RANBP17: variants seen among roughly 807,000 people sequenced by gnomAD.
The protein encoded by RANBP17 is RAN binding protein 17.
RANBP17 carries 158 observed loss-of-function variants against 141.2 expected under a neutral mutation model. The observed-to-expected ratio is 1.12, with a 90% CI of 0.98 to 1.28. The LOEUF is 1.28. Among genes scored for constraint, RANBP17 ranks in the 50% most tolerant of loss-of-function variants. The probability of loss-of-function intolerance (pLI) is 0.00; values close to 1 mark genes in which losing one functional copy is unlikely to be tolerated. For missense variants in RANBP17, 1,438 were observed against 1,290.7 expected (o/e 1.11, Z -1.75); for synonymous variants, 430 against 450.0 (o/e 0.96, Z 0.56).
chr5:171,005,175 A>G (rs995733796), intron 14 of RANBP17, among the ~76,000 whole-genome samples: 6 of 152,160 alleles, frequency 3.9e-5, no homozygotes, highest in Non-Finnish European at 8.8e-5. Flanking sequence ...TGCCCAAGGT[A>G]ATTTATAGAT....
chr5:171,246,865 T>A (rs1765243540), intron 24 of RANBP17, among the ~76,000 whole-genome samples: 1 of 152,182 alleles, frequency 6.6e-6, no homozygotes, highest in African/African-American at 2.4e-5. Flanking sequence ...GATACTTGAC[T>A]CTCTTCATTC....
chr5:171,067,339 A>C (rs1205802004), intron 14 of RANBP17, among the ~76,000 whole-genome samples: 1 of 152,098 alleles, frequency 6.6e-6, no homozygotes, highest in Non-Finnish European at 1.5e-5. Flanking sequence ...ATCTGTATAC[A>C]TTGTGTTCTT....
chr5:170,967,990 C>G (rs1024805617), intron 13 of RANBP17, among the ~76,000 whole-genome samples: 16 of 151,562 alleles, frequency 1.1e-4, no homozygotes, highest in Non-Finnish European at 2.1e-4. Context: ...TCTGTATATA[C>G]ATACAGAGTT....
intron 14 of RANBP17, among the ~76,000 whole-genome samples, chr5:171,153,546 A>C (rs1758637007): frequency 6.6e-6 from 1 of 152,224 alleles, no homozygotes; most frequent in Non-Finnish European, 1.5e-5. Flanking sequence ...ACTGATATGC[A>C]GAATACTGGG....
intron 14 of RANBP17, among the ~76,000 whole-genome samples, chr5:170,972,212 G>A (rs373769875): frequency 8.8e-5 from 11 of 124,446 alleles, no homozygotes; most frequent in South Asian, 2.4e-4. Flanking sequence ...GTGGAGTTTC[G>A]CTCTTGCTGT....
chr5:170,955,588 ATATATATATATATATATATATGCTCAGTG>A lies in RANBP17; in HGVS notation c.1574+1908_1574+1936del, dbSNP rs1561927744. ...ATATATGCTCAGTCTGTGTGTATATATATATATATATATATATATATGCTCAGTGTATATATATATATATATATATATGC... is the reference window on the plus strand; with the variant it reads ...ATATATGCTCAGTCTGTGTGTATATATATATATATATATATATATATATGC... On this transcript the variant is annotated intron_variant, in intron 13 of 27. Coordinates refer to ENST00000523189, the MANE Select transcript of RANBP17 (RefSeq NM_022897.5). Among the ~76,000 whole-genome samples, 15 of 74,848 alleles carry A rather than the reference ATATATATATATATATATATATGCTCAGTG, an allele frequency of 2.0e-4. 1 individual carries two copies. The highest frequency in any genetic ancestry group is 4.6e-4 in the South Asian group (1 of 2,184). 49.1% of individuals were successfully genotyped at this position (74,848 alleles called of 152,430 possible). A position where few individuals can be genotyped will look rare whatever the true frequency, so the allele number is the denominator to read the frequency against.
chr5:171,262,833 A>G (rs1335156458), intron 24 of RANBP17, among the ~76,000 whole-genome samples: 1 of 152,180 alleles, frequency 6.6e-6, no homozygotes. Context: ...TTCCAAAACT[A>G]TGGTCCACGG....
chr5:171,249,663 A>C lies in RANBP17; in HGVS notation c.2776+6843A>C, dbSNP rs189677004. Among the ~76,000 whole-genome samples, 68 of 152,330 alleles carry C rather than the reference A, an allele frequency of 4.5e-4. 1 individual carries two copies. The highest frequency in any genetic ancestry group is 4.1e-3 in the Admixed American group (62 of 15,308). On this transcript the variant is annotated intron_variant, in intron 24 of 27. Transcript: ENST00000523189. ...TTCAATAGTTGGCTAGATCAGGCAG[A>C]AGAAAGAATCTCAGAACTTGAAGAC... is the stretch of plus-strand genomic sequence containing the variant.
chr5:171,146,196 A>G (rs189601065), intron 14 of RANBP17, among the ~76,000 whole-genome samples: 4 of 152,220 alleles, frequency 2.6e-5, no homozygotes, highest in Admixed American at 6.5e-5. Context: ...TTCTATGCGT[A>G]TAAGAGTTGA....
chr5:171,208,871 A>G (rs544522505), intron 20 of RANBP17, among the ~76,000 whole-genome samples: 101 of 152,230 alleles, frequency 6.6e-4, no homozygotes, highest in Non-Finnish European at 1.3e-3. Context: ...AGTGGCTGAC[A>G]TAAAGTAAAT....
rs1766334703 is a variant in RANBP17 at position 171,261,620 on chromosome 5, A to G, written c.2777-4061A>G. ...GCTTCCTGTGGAGACTGGTTCCAGA[A>G]GAGAAGCACTTGATTGTTTTCAATG... On this transcript the variant is annotated intron_variant, in intron 24 of 27. Coordinates refer to ENST00000523189, the MANE Select transcript of RANBP17 (RefSeq NM_022897.5). 2.0e-5 allele frequency among the ~76,000 whole-genome samples: 3 copies of G among 152,246 alleles called. No individual in the cohort carries two copies. In the South Asian group the frequency reaches 6.2e-4, roughly 31 times the overall value.
chr5:170,981,588 A>G (rs1777779402), intron 14 of RANBP17, among the ~76,000 whole-genome samples: 2 of 151,420 alleles, frequency 1.3e-5, no homozygotes, highest in Non-Finnish European at 2.9e-5. Flanking sequence ...GCCACTATCC[A>G]TGTAAGACGT....
At chr5:170,905,439 C>A (rs1232494880) in intron 5 of RANBP17, among the ~76,000 whole-genome samples, 2 of 152,060 alleles carry the variant, frequency 1.3e-5, no homozygotes, top group African/African-American at 2.4e-5. Context: ...ACATTATAGC[C>A]ATGTGCATAA....
chr5:171,014,879 G>A (rs892270227), intron 14 of RANBP17, among the ~76,000 whole-genome samples: 2 of 151,884 alleles, frequency 1.3e-5, no homozygotes, highest in African/African-American at 2.4e-5. Flanking sequence ...TCATATGTCT[G>A]GAAAAACATT....
chr5:170,996,016 A>G (rs1364448646), intron 14 of RANBP17, among the ~76,000 whole-genome samples: 1 of 152,100 alleles, frequency 6.6e-6, no homozygotes, highest in East Asian at 1.9e-4. Context: ...CAGCCTGGCA[A>G]CATAGGAGAA....
intron 5 of RANBP17, among the ~76,000 whole-genome samples, chr5:170,896,507 T>C (rs1271322587): frequency 6.6e-6 from 1 of 152,148 alleles, no homozygotes; most frequent in African/African-American, 2.4e-5. Context: ...TTCTCAACAA[T>C]GGATACACAG....
chr5:170,951,639 T>C (rs1194405339), intron 12 of RANBP17, among the ~76,000 whole-genome samples: 1 of 152,088 alleles, frequency 6.6e-6, no homozygotes, highest in East Asian at 1.9e-4. Flanking sequence ...TGTTCTAAAA[T>C]TAGATTGTGG....
At chr5:170,872,233 A>G (rs1216940568) in intron 1 of RANBP17, among the ~76,000 whole-genome samples, 1 of 152,134 alleles carries the variant, frequency 6.6e-6, no homozygotes, top group African/African-American at 2.4e-5. Flanking sequence ...AGTCCCTCAC[A>G]TCCCTTGCTG....
intron 14 of RANBP17, among the ~76,000 whole-genome samples, chr5:171,023,724 A>T (rs113975764): frequency 2.0e-5 from 3 of 152,186 alleles, no homozygotes; most frequent in South Asian, 2.1e-4. Context: ...TGACAATTCC[A>T]GAACTCTACC....
Sources: allele counts gnomAD v4.1 joint callset (sites outside exome capture counted in the v4.1 genomes callset), GRCh38; gene constraint gnomAD v4.1.1; transcripts MANE v1.5; gene names NCBI Gene and HGNC (gene_info 2026-07-23, HGNC 2026-07-21).